Variants in NOTCH3 observed in about 807,000 individuals in gnomAD.
NOTCH3 encodes the protein notch receptor 3, also known as neurogenic locus notch homolog protein 3.
NOTCH3 carries 86 observed loss-of-function variants against 213.3 expected under a neutral mutation model. That is an observed-to-expected ratio of 0.40 (90% CI 0.34 to 0.48). The LOEUF is 0.48. Ranked by LOEUF, NOTCH3 falls within the 20% of genes least tolerant of loss-of-function variation. The pLI is 0.57. For synonymous variants in NOTCH3, 1,354 were observed against 1,355.9 expected, an observed-to-expected ratio of 1.00 and a Z score of 0.03; for missense variants, 2,783 against 3,272.6, an observed-to-expected ratio of 0.85 and a Z score of 3.65.
Position 15,174,319 on chromosome 19 carries a change from C to T in NOTCH3, c.4485G>A (p.Trp1495Ter). 1 of 1,554,168 alleles carries T rather than the reference C, an allele frequency of 6.4e-7. No homozygotes were observed. The highest frequency in any genetic ancestry group is 8.7e-7 in the Non-Finnish European group (1 of 1,149,614). ...DQGCNTEECG[W>*]DGLDCASEVP... ...CCTCGCTGGCACAATCCAGCCCATC[C>T]CAGCCGCACTCCTCCGTGTTGCAGC... is the stretch of plus-strand genomic sequence containing the variant. Residue 1495 changes from tryptophan (W) to a stop codon, truncating the protein, a stop_gained, in exon 25 of 33, where the codon TGG becomes TGA. Coordinates refer to ENST00000263388, the MANE Select transcript of NOTCH3 (RefSeq NM_000435.3). LOFTEE classifies it high-confidence loss of function.
At chr19:15,186,843 C>A in intron 12 of NOTCH3, 35 bp downstream of exon 12, 1 of 1,551,026 alleles carries the variant, frequency 6.4e-7, no homozygotes, top group Non-Finnish European at 8.9e-7. Context: ...CACCCTCGAT[C>A]TAAGGACCCC....
At chr19:15,169,199 TCTCTCTCTCTCTCTCTCTC>T (rs2046710146) in intron 28 of NOTCH3, among the ~76,000 whole-genome samples, 1 of 9,048 alleles carries the variant, frequency 1.1e-4, no homozygotes, top group Non-Finnish European at 1.1e-3. Context: ...TCTCTCTCTC[TCTCTCTCTCTCTCTCTCTC>T]TCTCTCTCTC....
rs2046803074 is a variant in NOTCH3, at chr19:15,177,667, C to G, written c.4261G>C (p.Val1421Leu). 1.3e-6 allele frequency: 2 copies of G among 1,551,414 alleles called. No individual in the cohort carries two copies. Among genetic ancestry groups the G allele is most frequent in the South Asian group, 1.2e-5 (1 of 85,324 alleles). ...TCGCATTGCCGCCAGGGGTCGCCCA[C>G]GCTCAGCGAGCAGTCGCCGCCGTCC... ...GWDGGDCSLS[V>L]GDPWRQCEAL... The change falls in exon 24 of 33, where the codon GTG becomes CTG. Residue 1421 changes from valine (V) to leucine (L), a missense_variant. By Grantham distance (32) the Val-to-Leu change is conservative (BLOSUM62 1). Transcript: ENST00000263388.
chr19:15,190,063 T>G (rs577793428), intron 6 of NOTCH3, among the ~76,000 whole-genome samples: 2 of 152,044 alleles, frequency 1.3e-5, no homozygotes, highest in Admixed American at 6.5e-5. Context: ...TCGCTTGAGT[T>G]CAAGAGTTCA....
intron 20 of NOTCH3, chr19:15,179,708 C>T (rs1022266101): frequency 2.1e-5 from 13 of 608,904 alleles, no homozygotes; most frequent in Non-Finnish European, 2.6e-5. Context: ...ATGGTGAAAC[C>T]CTGTCACTAT....
chr19:15,193,836 C>G (rs2046950202), intron 2 of NOTCH3, among the ~76,000 whole-genome samples: 1 of 149,450 alleles, frequency 6.7e-6, no homozygotes, highest in African/African-American at 2.5e-5. Context: ...GTAATCCCAG[C>G]ACTCTGGGAG....
chr19:15,161,386 C>A lies in NOTCH3; in HGVS notation c.6242G>T (p.Gly2081Val), dbSNP rs141231747. 1.9e-5 allele frequency: 29 copies of A among 1,523,888 alleles called. No individual in the cohort carries two copies. The highest frequency in any genetic ancestry group is 2.3e-5 in the Non-Finnish European group (26 of 1,136,966). 94.4% of individuals were successfully genotyped at this position (1,523,888 alleles called of 1,614,324 possible). A position where few individuals can be genotyped will look rare whatever the true frequency, so the allele number is the denominator to read the frequency against. The change falls in exon 33 of 33, where the codon GGC (glycine) becomes GTC (valine). Residue 2081 changes from glycine (G) to valine (V), a missense_variant. This residue lies in a region of NOTCH3 where 441 missense variants were observed against 432.1 expected (regional missense o/e 1.02). Transcript: ENST00000263388. ...CGGGCAGGCCAGCGTCAGCTTCTTG[C>A]CCCGCCCCCGGGGCCCCTGCGGCCC... ...GLGPQGPRGR[G>V]KKLTLACPGP...
intron 23 of NOTCH3, 110 bp from the exon 24 acceptor site, chr19:15,178,200 G>C: frequency 3.1e-6 from 2 of 653,012 alleles, no homozygotes; most frequent in Non-Finnish European, 2.5e-6. Context: ...GAGAGAGGGG[G>C]AAGAGAAGAG....
chr19:15,191,449 G>A lies in NOTCH3; in HGVS notation c.1011C>T (p.Tyr337=). 1 of 1,613,472 alleles carries A rather than the reference G, an allele frequency of 6.2e-7. No individual in the cohort carries two copies. Among genetic ancestry groups the A allele is most frequent in the South Asian group, 1.1e-5 (1 of 91,080 alleles). ...ATCHDRVASF[Y]CACPMGKTGL... Reference sequence around the variant, plus strand: ...CAGTCTTGCCCATGGGGCAGGCACAGTAGAAAGAAGCCACGCGGTCATGGC... The same window carrying A: ...CAGTCTTGCCCATGGGGCAGGCACAATAGAAAGAAGCCACGCGGTCATGGC... Residue 337 remains tyrosine, a synonymous_variant, in exon 6 of 33, where the codon TAC becomes TAT. Coordinates refer to ENST00000263388, the MANE Select transcript of NOTCH3 (RefSeq NM_000435.3).
At chr19:15,192,644 G>A in intron 2 of NOTCH3, 125 bp from the exon 3 acceptor site, 3 of 1,357,778 alleles carry the variant, frequency 2.2e-6, no homozygotes, top group Non-Finnish European at 3.0e-6. Context: ...GCTGGGAGCA[G>A]TGGCTCACGC....
intron 32 of NOTCH3, chr19:15,162,242 A>C: frequency 1.8e-6 from 1 of 554,180 alleles, no homozygotes; most frequent in Middle Eastern, 5.0e-4. Flanking sequence ...TCGACCTCCC[A>C]AAGTGCTGGG....
Position 15,186,869 on chromosome 19 carries a change from C to T in NOTCH3, c.1951+9G>A. 1.2e-6 allele frequency: 2 copies of T among 1,612,186 alleles called. No individual in the cohort carries two copies. Among genetic ancestry groups the T allele is most frequent in the African/African-American group, 1.3e-5 (1 of 75,004 alleles). On this transcript the variant is annotated intron_variant, in intron 12 of 32. Transcript: ENST00000263388. ...TAAGGACCCCCTCTCATGGCAGCCA[C>T]TTGCCCACCTGTGAAGCCAGGTTGG... is the stretch of plus-strand genomic sequence containing the variant.
rs2047008169 is a variant in NOTCH3 at position 15,200,919 on chromosome 19, G to T, written c.-14C>A. On this transcript the variant is annotated 5_prime_UTR_variant, in exon 1 of 33. Coordinates refer to ENST00000263388, the MANE Select transcript of NOTCH3 (RefSeq NM_000435.3). Reference sequence around the variant, plus strand: ...CCCCGGCCCCATGGCGGCCGGCCGCGACCCTCCCCTCCTCCCTCCTTCCCT... The same window carrying T: ...CCCCGGCCCCATGGCGGCCGGCCGCTACCCTCCCCTCCTCCCTCCTTCCCT... 3.1e-6 allele frequency: 1 copy of T among 321,092 alleles called. No individual in the cohort carries two copies. Among genetic ancestry groups the T allele is most frequent in the South Asian group, 1.3e-4 (1 of 7,982 alleles). The allele number at this position is 321,092 out of a possible 1,614,324, so 19.9% of individuals were successfully genotyped here.
chr19:15,182,183 C>T (rs1027407613), intron 16 of NOTCH3, among the ~76,000 whole-genome samples: 4 of 151,968 alleles, frequency 2.6e-5, no homozygotes, highest in Non-Finnish European at 5.9e-5. Context: ...AAAATACATA[C>T]TGGGTTTCAG....
intron 16 of NOTCH3, 116 bp from the exon 17 acceptor site, chr19:15,181,917 G>T: frequency 1.2e-6 from 1 of 850,144 alleles, no homozygotes; most frequent in Non-Finnish European, 1.8e-6. Flanking sequence ...AACTGGGATG[G>T]GGTGCATTTG....
Position 15,174,340 on chromosome 19 carries a change from G to A in NOTCH3, c.4464C>T (p.Cys1488=), listed in dbSNP as rs1420742573. The A allele has an allele frequency of 1.3e-6, 2 of 1,551,382 alleles. No individual in the cohort carries two copies. Among genetic ancestry groups the A allele is most frequent in the South Asian group, 2.4e-5 (2 of 84,454 alleles). The change falls in exon 25 of 33, where the codon TGC becomes TGT. Residue 1488 remains cysteine (C), a synonymous_variant. Transcript: ENST00000263388. ...HFADGRCDQG[C]NTEECGWDGL... is the part of the protein sequence containing the mutation. The stretch of plus-strand genomic sequence containing the variant: ...CATCCCAGCCGCACTCCTCCGTGTT[G>A]CAGCCCTGGTCGCAGCGGCCGTCGG...
rs1050944384 is a variant in NOTCH3 at position 15,185,969 on chromosome 19, T to A, written c.1952-290A>T. On this transcript the variant is annotated intron_variant, in intron 12 of 32. Coordinates refer to ENST00000263388, the MANE Select transcript of NOTCH3 (RefSeq NM_000435.3). The surrounding 1 kb of genome is among the most constrained non-coding windows in gnomAD (Gnocchi z 4.2). ...TCGCCCGGGCTGGACTGCAGTGGCA[T>A]GATCATAGCTCACCACAGCCTCCAC... is the stretch of plus-strand genomic sequence containing the variant. Among the ~76,000 whole-genome samples the A allele has an allele frequency of 4.6e-5, 7 of 151,780 alleles. No individual in the cohort carries two copies. Among genetic ancestry groups the A allele is most frequent in the African/African-American group, 1.7e-4 (7 of 41,306 alleles).
intron 29 of NOTCH3, 127 bp downstream of exon 29, chr19:15,167,122 G>A: frequency 5.0e-6 from 5 of 994,752 alleles, no homozygotes; most frequent in Non-Finnish European, 7.6e-6. Flanking sequence ...GAGTGTTGCT[G>A]AATACACACA....
rs2145384096 is a variant in NOTCH3 at position 15,161,714 on chromosome 19, C to T, written c.5914G>A (p.Glu1972Lys). Reference sequence around the variant, plus strand: ...GCGGCCAGGAATAGGGGGGTCTCCTCCTGGGGGGCCAGAACCCACAGAGGT... The same window carrying T: ...GCGGCCAGGAATAGGGGGGTCTCCTTCTGGGGGGCCAGAACCCACAGAGGT... ...GANKDMQDSK[E>K]ETPLFLAARE... The change falls in exon 33 of 33, where the codon GAG becomes AAG. Residue 1972 changes from glutamate (E) to lysine (K), a missense_variant and splice_region_variant. Around this residue, in one of 6 missense-constraint regions of NOTCH3, gnomAD observed 636 missense variants for 801.8 expected, o/e 0.79. Coordinates refer to ENST00000263388, the MANE Select transcript of NOTCH3 (RefSeq NM_000435.3). 6.2e-7 allele frequency: 1 copy of T among 1,613,170 alleles called. No homozygotes were observed. Among genetic ancestry groups the T allele is most frequent in the Non-Finnish European group, 8.5e-7 (1 of 1,179,578 alleles).
Sources: allele counts gnomAD v4.1 joint callset (sites outside exome capture counted in the v4.1 genomes callset), GRCh38; gene constraint gnomAD v4.1.1; regional missense constraint gnomAD v4.1.1; non-coding constraint Gnocchi (gnomAD v3.1); transcripts MANE v1.5; gene names NCBI Gene and HGNC (gene_info 2026-07-23, HGNC 2026-07-21).